CHN1: variants seen among roughly 807,000 people sequenced by gnomAD.
The protein encoded by CHN1 is N-chimaerin.
CHN1 carries 37 observed loss-of-function variants against 59.5 expected under a neutral mutation model. That is an observed-to-expected ratio of 0.62 (90% CI 0.48 to 0.82). CHN1 has a LOEUF of 0.82. Among genes scored for constraint, CHN1 ranks in the 40% least tolerant of loss-of-function variants. CHN1 has a pLI of 0.00. For synonymous variants in CHN1, 206 were observed against 200.4 expected (o/e 1.03, Z -0.24); for missense variants, 469 against 571.0 (o/e 0.82, Z 1.82).
chr2:174,861,040 A>G (rs1687053147), intron 6 of CHN1, among the ~76,000 whole-genome samples: 1 of 152,150 alleles, frequency 6.6e-6, no homozygotes, highest in African/African-American at 2.4e-5. Flanking sequence ...AAAAAATTAA[A>G]TTGTTTTAAA....
chr2:174,939,423 A>G (rs1335285369), intron 3 of CHN1, among the ~76,000 whole-genome samples: 2 of 152,190 alleles, frequency 1.3e-5, no homozygotes, highest in Non-Finnish European at 2.9e-5. Flanking sequence ...TCACACAACT[A>G]CATTGAGCCT....
At chr2:174,815,589 C>CT (rs5836474) in intron 8 of CHN1, among the ~76,000 whole-genome samples, 1,506 of 127,470 alleles carry the variant, frequency 0.012, 18 homozygotes, top group African/African-American at 0.028. Context: ...CGGATATTTC[C>CT]TTTTTTTTTT....
At chr2:174,845,584 G>A (rs1397214785) in intron 7 of CHN1, among the ~76,000 whole-genome samples, 2 of 152,118 alleles carry the variant, frequency 1.3e-5, no homozygotes, top group African/African-American at 4.8e-5. Context: ...CAAGATATTG[G>A]TTGAAAGGTA....
chr2:174,965,953 T>C (rs1339933801), intron 1 of CHN1, among the ~76,000 whole-genome samples: 14 of 152,198 alleles, frequency 9.2e-5, no homozygotes, highest in Admixed American at 9.2e-4. Context: ...AGCTCTTTAA[T>C]GAAGTTTCTT....
At chr2:174,830,649 C>T (rs755361119) in intron 7 of CHN1, among the ~76,000 whole-genome samples, 2 of 152,158 alleles carry the variant, frequency 1.3e-5, no homozygotes, top group African/African-American at 4.8e-5. Flanking sequence ...ATGCACCAGG[C>T]ACTTGCTGAA....
At chr2:174,930,083 G>A (rs797012932) in intron 3 of CHN1, among the ~76,000 whole-genome samples, 2 of 152,328 alleles carry the variant, frequency 1.3e-5, no homozygotes, top group African/African-American at 4.8e-5. Flanking sequence ...TAATGCCTAA[G>A]TGTCTGACCC....
chr2:174,827,986 T>C (rs1685747631), intron 7 of CHN1, among the ~76,000 whole-genome samples: 1 of 152,096 alleles, frequency 6.6e-6, no homozygotes, highest in South Asian at 2.1e-4. Flanking sequence ...AAGTCAAATG[T>C]TGGAGACAGA....
chr2:174,822,286 C>A (rs1685523904), intron 8 of CHN1, among the ~76,000 whole-genome samples: 1 of 152,126 alleles, frequency 6.6e-6, no homozygotes, highest in Non-Finnish European at 1.5e-5. Flanking sequence ...CCTTTACTCA[C>A]AATAAGAGGT....
chr2:174,898,574 A>C lies in CHN1; in HGVS notation c.260+16484T>G, dbSNP rs571332808. Among the ~76,000 whole-genome samples the C allele has an allele frequency of 3.7e-4, 57 of 152,324 alleles. No individual in the cohort carries two copies. The South Asian group carries it at 0.011, about 30-fold the overall frequency. On this transcript the variant is annotated intron_variant, in intron 5 of 12. Transcript: ENST00000409900. ...ACCCAAGATCGCGCCACTGCACTCCAGCCTGGGCGACAGAGCGAGACTCCG... is the reference window on the plus strand; with the variant it reads ...ACCCAAGATCGCGCCACTGCACTCCCGCCTGGGCGACAGAGCGAGACTCCG...
At chr2:174,996,177 G>T (rs923005581) in intron 1 of CHN1, among the ~76,000 whole-genome samples, 2 of 152,140 alleles carry the variant, frequency 1.3e-5, no homozygotes, top group African/African-American at 4.8e-5. Flanking sequence ...ATTGCCTGTT[G>T]AACAGGGTAT....
chr2:174,925,402 T>C (rs1017957985), intron 3 of CHN1, among the ~76,000 whole-genome samples: 1 of 152,248 alleles, frequency 6.6e-6, no homozygotes, highest in East Asian at 1.9e-4. Context: ...ATATATTTCT[T>C]TGACATATTT....
intron 9 of CHN1, 93 bp downstream of exon 9, chr2:174,812,216 C>T: frequency 9.8e-7 from 1 of 1,016,540 alleles, no homozygotes; most frequent in Non-Finnish European, 1.4e-6. Context: ...TTACAGAAGA[C>T]AACCGTATTG....
At chr2:174,866,164 A>T (rs938672060) in intron 6 of CHN1, among the ~76,000 whole-genome samples, 9 of 152,234 alleles carry the variant, frequency 5.9e-5, no homozygotes, top group Non-Finnish European at 1.5e-5. Flanking sequence ...CAAATCTCAA[A>T]AAGTTAAGAA....
chr2:174,895,049 G>GCA lies in CHN1; in HGVS notation c.261-16923_261-16922dup, dbSNP rs751627983. Among the ~76,000 whole-genome samples, 691 of 129,262 alleles carry GCA rather than the reference G, an allele frequency of 5.3e-3. 6 individuals carry two copies. Among genetic ancestry groups the GCA allele is most frequent in the African/African-American group, 0.02 (508 of 25,870 alleles). 84.8% of individuals were successfully genotyped at this position (129,262 alleles called of 152,430 possible). On this transcript the variant is annotated intron_variant, in intron 5 of 12. Coordinates refer to ENST00000409900, the MANE Select transcript of CHN1 (RefSeq NM_001822.7). ...ATAGTATATACACACACACACGCGC[G>GCA]CACACACACACACACACACACAAAG... is the stretch of plus-strand genomic sequence containing the variant.
chr2:174,851,048 C>T (rs1479735268), intron 6 of CHN1, among the ~76,000 whole-genome samples: 1 of 152,162 alleles, frequency 6.6e-6, no homozygotes, highest in Non-Finnish European at 1.5e-5. Context: ...CTTTTGTCTT[C>T]AAAGCCTGAC....
chr2:174,832,383 G>GA (rs1348852807), intron 7 of CHN1, among the ~76,000 whole-genome samples: 1 of 151,858 alleles, frequency 6.6e-6, no homozygotes, highest in Non-Finnish European at 1.5e-5. Context: ...AGTTTCTTAA[G>GA]ATGGAAGCTT....
intron 6 of CHN1, among the ~76,000 whole-genome samples, chr2:174,858,923 T>A (rs1686985503): frequency 6.6e-6 from 1 of 150,996 alleles, no homozygotes; most frequent in Admixed American, 6.6e-5. Flanking sequence ...ATGATTAATA[T>A]CTTTCAGTGA....
chr2:174,837,685 G>A (rs1212622903), intron 7 of CHN1, among the ~76,000 whole-genome samples: 2 of 151,712 alleles, frequency 1.3e-5, no homozygotes, highest in African/African-American at 4.8e-5. Context: ...TTAAGAAGAG[G>A]GATTAGAAAA....
chr2:174,899,100 C>G (rs899797396), intron 5 of CHN1, among the ~76,000 whole-genome samples: 2 of 152,134 alleles, frequency 1.3e-5, no homozygotes, highest in African/African-American at 4.8e-5. Flanking sequence ...GCCTTGTTAC[C>G]TTCTCAGTTC....
Sources: gnomAD v4.1 joint callset for allele counts (sites outside exome capture counted in the v4.1 genomes callset) on GRCh38, gnomAD v4.1.1 for gene constraint, MANE v1.5 for transcripts, NCBI Gene and HGNC (gene_info 2026-07-23, HGNC 2026-07-21) for gene names.